Variants in CSMD1 observed in about 807,000 individuals in gnomAD.
The protein encoded by CSMD1 is CUB and Sushi multiple domains 1.
CSMD1 carries 213 observed loss-of-function variants against 417.5 expected under a neutral mutation model. The ratio of observed to expected loss-of-function variants is 0.51; its 90% CI spans 0.46 to 0.57. The LOEUF (loss-of-function observed/expected upper bound fraction) is 0.57, where lower values mean the gene tolerates loss of function less well. Among genes scored for constraint, CSMD1 ranks in the 20% least tolerant of loss-of-function variants. The probability of loss-of-function intolerance (pLI) is 0.00; values close to 1 mark genes in which losing one functional copy is unlikely to be tolerated. For missense variants in CSMD1, 6,923 were observed against 4,529.7 expected (o/e 1.53, Z -15.17); for synonymous variants, 2,862 against 1,736.8 (o/e 1.65, Z -16.11).
At chr8:4,010,862 C>G (rs943134002) in intron 4 of CSMD1, among the ~76,000 whole-genome samples, 21 of 152,176 alleles carry the variant, frequency 1.4e-4, no homozygotes, top group African/African-American at 4.6e-4. Flanking sequence ...GCAGGTAAAA[C>G]AGCTGGAGGA....
intron 2 of CSMD1, among the ~76,000 whole-genome samples, chr8:4,593,399 G>C (rs1387373963): frequency 1.3e-5 from 2 of 152,134 alleles, no homozygotes; most frequent in African/African-American, 4.8e-5. Context: ...TGCTAATTAT[G>C]TATTTTTGGC....
At chr8:4,952,475 C>T (rs79133637) in intron 1 of CSMD1, among the ~76,000 whole-genome samples, 1 of 151,902 alleles carries the variant, frequency 6.6e-6, no homozygotes, top group Non-Finnish European at 1.5e-5. Flanking sequence ...AAAGAAAAGG[C>T]AAAATATTTA....
At chr8:4,860,335 G>A (rs900770392) in intron 1 of CSMD1, among the ~76,000 whole-genome samples, 9 of 151,140 alleles carry the variant, frequency 6.0e-5, no homozygotes, top group Non-Finnish European at 8.8e-5. Context: ...TGGGTGCAGC[G>A]TACCAGCATG....
At chr8:4,776,044 G>C (rs147439045) in intron 1 of CSMD1, among the ~76,000 whole-genome samples, 2 of 152,102 alleles carry the variant, frequency 1.3e-5, no homozygotes, top group Non-Finnish European at 2.9e-5. Context: ...ACAAATTACA[G>C]ATGTGATGAT....
intron 10 of CSMD1, among the ~76,000 whole-genome samples, chr8:3,557,947 T>G (rs550341606): frequency 6.6e-6 from 1 of 152,294 alleles, no homozygotes; most frequent in South Asian, 2.1e-4. Flanking sequence ...TGCAAAAACA[T>G]TGTGGAATGT....
intron 3 of CSMD1, among the ~76,000 whole-genome samples, chr8:4,207,177 G>C (rs1330490956): frequency 1.3e-5 from 2 of 152,120 alleles, no homozygotes; most frequent in Non-Finnish European, 2.9e-5. Context: ...ATAAGTATAA[G>C]ATTACAAGTT....
chr8:4,148,289 G>A (rs536598339), intron 3 of CSMD1, among the ~76,000 whole-genome samples: 2 of 146,508 alleles, frequency 1.4e-5, no homozygotes, highest in Non-Finnish European at 3.0e-5. Flanking sequence ...AACACCACAT[G>A]TTCTCACTCA....
intron 1 of CSMD1, among the ~76,000 whole-genome samples, chr8:4,776,921 T>C (rs1796882349): frequency 6.6e-6 from 1 of 152,130 alleles, no homozygotes; most frequent in Non-Finnish European, 1.5e-5. Flanking sequence ...ACAACGTTAC[T>C]AAGATTAAAG....
intron 6 of CSMD1, among the ~76,000 whole-genome samples, chr8:3,748,001 T>C (rs1327492193): frequency 1.3e-5 from 2 of 152,136 alleles, no homozygotes; most frequent in Non-Finnish European, 1.5e-5. Context: ...GACGTGATTA[T>C]TTCTATTTTA....
At chr8:4,787,149 C>T (rs1378264782) in intron 1 of CSMD1, among the ~76,000 whole-genome samples, 1 of 152,216 alleles carries the variant, frequency 6.6e-6, no homozygotes, top group East Asian at 1.9e-4. Flanking sequence ...GCCTATACCC[C>T]TCCGGGTTCG....
chr8:3,776,903 C>T (rs914407423), intron 5 of CSMD1, among the ~76,000 whole-genome samples: 2 of 151,134 alleles, frequency 1.3e-5, no homozygotes, highest in South Asian at 2.1e-4. Context: ...TTTGCAGAGA[C>T]GGGGTCTCAC....
At chr8:4,161,654 T>G (rs1371838790) in intron 3 of CSMD1, among the ~76,000 whole-genome samples, 1 of 152,128 alleles carries the variant, frequency 6.6e-6, no homozygotes, top group African/African-American at 2.4e-5. Context: ...TCTTCCAACG[T>G]CAACAACAGC....
intron 5 of CSMD1, among the ~76,000 whole-genome samples, chr8:3,874,470 G>T (rs1348748325): frequency 6.6e-6 from 1 of 152,160 alleles, no homozygotes; most frequent in African/African-American, 2.4e-5. Context: ...TTCAGTGCTT[G>T]AACTTTTACA....
rs561304002 is a variant in CSMD1 at position 4,584,360 on chromosome 8, G to C, written c.302+52982C>G. 2.6e-5 allele frequency among the ~76,000 whole-genome samples: 4 copies of C among 152,154 alleles called. No homozygotes were observed. The South Asian group carries it at 8.3e-4, about 32-fold the overall frequency. On this transcript the variant is annotated intron_variant, in intron 2 of 69. Coordinates refer to ENST00000635120, the MANE Select transcript of CSMD1 (RefSeq NM_033225.6). The stretch of plus-strand genomic sequence containing the variant: ...ATCGCCAATCGCCAAGCAGTGAGTA[G>C]CATCAGACCCCTTTCGCTTGCTATT...
At chr8:4,918,092 A>T (rs1806191226) in intron 1 of CSMD1, among the ~76,000 whole-genome samples, 1 of 152,028 alleles carries the variant, frequency 6.6e-6, no homozygotes, top group Non-Finnish European at 1.5e-5. Context: ...CAATACTTTT[A>T]AAAAAAGAAA....
Position 3,285,388 on chromosome 8 carries a change from C to CTT in CSMD1, c.3951-1044_3951-1043dup, listed in dbSNP as rs147849935. 3.0e-3 allele frequency among the ~76,000 whole-genome samples: 435 copies of CTT among 146,796 alleles called. 3 individuals are homozygous for CTT. Among genetic ancestry groups the CTT allele is most frequent in the Middle Eastern group, 0.014 (4 of 286 alleles). ...ACATTTTGCCCTATTTTTGTCAGAA[C>CTT]TTTTTTTTTTTTTCTAGAGATGGGA... On this transcript the variant is annotated intron_variant, in intron 25 of 69. Transcript: ENST00000635120.
intron 6 of CSMD1, among the ~76,000 whole-genome samples, chr8:3,750,115 G>A (rs1797260155): frequency 6.6e-6 from 1 of 152,136 alleles, no homozygotes; most frequent in Non-Finnish European, 1.5e-5. Flanking sequence ...CATTGAATAT[G>A]AGGAAGGCTA....
At chr8:3,432,750 G>A (rs556796390) in intron 12 of CSMD1, among the ~76,000 whole-genome samples, 32 of 152,132 alleles carry the variant, frequency 2.1e-4, no homozygotes, top group African/African-American at 6.3e-4. Flanking sequence ...TCTTGACCTC[G>A]TGATCTTCCC....
At chr8:3,976,094 G>T (rs909982030) in intron 5 of CSMD1, among the ~76,000 whole-genome samples, 1 of 151,754 alleles carries the variant, frequency 6.6e-6, no homozygotes, top group African/African-American at 2.4e-5. Flanking sequence ...TCACGAACTT[G>T]TAAGAATCTA....
Sources: gnomAD v4.1 joint callset for allele counts (sites outside exome capture counted in the v4.1 genomes callset) on GRCh38, gnomAD v4.1.1 for gene constraint, MANE v1.5 for transcripts, NCBI Gene and HGNC (gene_info 2026-07-23, HGNC 2026-07-21) for gene names.